FSCN1: variants seen among roughly 807,000 people sequenced by gnomAD.
FSCN1 encodes fascin actin-bundling protein 1.
FSCN1 carries 10 observed loss-of-function variants against 39.7 expected under a neutral mutation model. The ratio of observed to expected loss-of-function variants is 0.25; its 90% CI spans 0.16 to 0.43. The LOEUF is 0.43. Among genes scored for constraint, FSCN1 ranks in the 20% least tolerant of loss-of-function variants. The probability of loss-of-function intolerance (pLI) is 1.00; values close to 1 mark genes in which losing one functional copy is unlikely to be tolerated. For synonymous variants in FSCN1, 322 were observed against 320.0 expected, an observed-to-expected ratio of 1.01 and a Z score of -0.07; for missense variants, 525 against 723.8, an observed-to-expected ratio of 0.73 and a Z score of 3.15.
intron 1 of FSCN1, among the ~76,000 whole-genome samples, chr7:5,598,555 G>C (rs1785771214): frequency 6.6e-6 from 1 of 152,134 alleles, no homozygotes; most frequent in Admixed American, 6.5e-5. Flanking sequence ...AGGCGGGCTG[G>C]TAAGCGCCCT....
At chr7:5,597,796 C>T (rs1287985666) in intron 1 of FSCN1, among the ~76,000 whole-genome samples, 2 of 150,624 alleles carry the variant, frequency 1.3e-5, no homozygotes, top group African/African-American at 4.9e-5. Context: ...ACAGGGAAGG[C>T]CACTGTGAGG....
At chr7:5,604,967 C>A in intron 4 of FSCN1, among the ~76,000 whole-genome samples, 1 of 151,834 alleles carries the variant, frequency 6.6e-6, no homozygotes, top group African/African-American at 2.4e-5. Context: ...AGAGACGGAG[C>A]TTCACTATGT....
Position 5,603,487 on chromosome 7 carries a change from A to C in FSCN1, c.990-9A>C, listed in dbSNP as rs369111423. 7 of 1,613,852 alleles carry C rather than the reference A, an allele frequency of 4.3e-6. No individual in the cohort carries two copies. The highest frequency in any genetic ancestry group is 5.1e-6 in the Non-Finnish European group (6 of 1,179,966). On this transcript the variant is annotated splice_polypyrimidine_tract_variant and intron_variant, in intron 2 of 4. Transcript: ENST00000382361. The surrounding 1 kb of genome is among the most constrained non-coding windows in gnomAD (Gnocchi z 8.5). ...CTACCCCGCCTGACCCTGTCCCGCC[A>C]TCCCCCAGGAATGCCAGCTGCTACT... is the stretch of plus-strand genomic sequence containing the variant.
At chr7:5,604,993 G>C (rs933160579) in intron 4 of FSCN1, among the ~76,000 whole-genome samples, 1 of 152,010 alleles carries the variant, frequency 6.6e-6, no homozygotes, top group Non-Finnish European at 1.5e-5. Context: ...AGGCTGGCTC[G>C]AACTCCTGAC....
At chr7:5,602,660 A>G (rs1271950003) in intron 1 of FSCN1, among the ~76,000 whole-genome samples, 1 of 152,100 alleles carries the variant, frequency 6.6e-6, no homozygotes, top group Non-Finnish European at 1.5e-5. Flanking sequence ...GACCCTCCTG[A>G]TTGGCTCAAG....
In FSCN1 at chr7:5,603,242, G is replaced by A. The variant is rs377675950; in HGVS notation, c.833-15G>A. On this transcript the variant is annotated splice_polypyrimidine_tract_variant and intron_variant, in intron 1 of 4. Transcript: ENST00000382361. This position sits in a 1 kb window ranked among gnomAD's most constrained non-coding sequence, Gnocchi z 8.5. ...CGTGGGGCCCCAGTACCAGCCCAAG[G>A]CCTCCTCTCTGCAGGTATGGACCTG... The A allele has an allele frequency of 8.4e-5, 135 of 1,611,174 alleles. No homozygotes were observed. Among genetic ancestry groups the A allele is most frequent in the Non-Finnish European group, 1.1e-4 (130 of 1,179,836 alleles).
chr7:5,605,903 C>G lies in FSCN1; in HGVS notation c.*429C>G, dbSNP rs2128550547. The G allele has an allele frequency of 5.8e-6, 1 of 171,970 alleles. No homozygotes were observed. The highest frequency in any genetic ancestry group is 1.4e-4 in the South Asian group (1 of 7,002). 10.7% of individuals were successfully genotyped at this position (171,970 alleles called of 1,614,324 possible). A position where few individuals can be genotyped will look rare whatever the true frequency, so the allele number is the denominator to read the frequency against. ...ACCTCCTCCCAGCCCCCCAGGAGAGCTGGGCACATGTCCCAAGCCTGTCAG... is the reference window on the plus strand; with the variant it reads ...ACCTCCTCCCAGCCCCCCAGGAGAGGTGGGCACATGTCCCAAGCCTGTCAG... On this transcript the variant is annotated 3_prime_UTR_variant, in exon 5 of 5. Transcript: ENST00000382361. This position sits in a 1 kb window ranked among gnomAD's most constrained non-coding sequence, Gnocchi z 6.9.
At position 5,592,883 on chromosome 7, in the gene FSCN1, G is replaced by A. The variant is rs1370787922; in HGVS notation, c.-54G>A. The A allele has an allele frequency of 3.5e-6, 4 of 1,148,382 alleles. No individual in the cohort carries two copies. The highest frequency in any genetic ancestry group is 4.8e-6 in the Non-Finnish European group (4 of 829,034). The allele number at this position is 1,148,382 out of a possible 1,614,324, so 71.1% of individuals were successfully genotyped here. ...CAAAGGAGCAGGGGCGCCGCCGCAG[G>A]GACCCGCCACCCACCTCCCGGGGCC... On this transcript the variant is annotated 5_prime_UTR_variant, in exon 1 of 5. Transcript: ENST00000382361. The surrounding 1 kb of genome is among the most constrained non-coding windows in gnomAD (Gnocchi z 5.3).
At chr7:5,593,917 C>T (rs1785679951) in intron 1 of FSCN1, 149 bp downstream of exon 1, 1 of 608,498 alleles carries the variant, frequency 1.6e-6, no homozygotes, top group South Asian at 2.0e-5. Flanking sequence ...CGCGGGCTAC[C>T]CCGCCTGGAG....
intron 1 of FSCN1, among the ~76,000 whole-genome samples, chr7:5,602,561 G>A (rs1785854126): frequency 6.6e-6 from 1 of 151,902 alleles, no homozygotes; most frequent in Admixed American, 6.6e-5. Flanking sequence ...TTCCATCTGT[G>A]TTTCTAAAAA....
chr7:5,600,605 C>T (rs1189209661), intron 1 of FSCN1, among the ~76,000 whole-genome samples: 4 of 150,910 alleles, frequency 2.7e-5, no homozygotes, highest in East Asian at 2.0e-4. Flanking sequence ...AATTCTCCTG[C>T]GTCAGCCTCC....
At chr7:5,600,984 T>G (rs1785819335) in intron 1 of FSCN1, among the ~76,000 whole-genome samples, 1 of 126,828 alleles carries the variant, frequency 7.9e-6, no homozygotes, top group African/African-American at 3.2e-5. Context: ...AGAGATGAGG[T>G]TTCACCATGT....
In FSCN1 at chr7:5,603,329, C is replaced by A; in HGVS notation, c.905C>A (p.Thr302Asn). The stretch of plus-strand genomic sequence containing the variant: ...TTCCAGCTGGAGATCGACCGCGACA[C>A]CAAAAAGTGTGCCTTCCGTACCCAC... ...ETFQLEIDRD[T>N]KKCAFRTHTG... is the part of the protein sequence containing the mutation. Residue 302 changes from threonine (T) to asparagine (N), a missense_variant, in exon 2 of 5, where the codon ACC becomes AAC. Thr to Asn is a moderately conservative substitution (Grantham distance 65). Coordinates refer to ENST00000382361, the MANE Select transcript of FSCN1 (RefSeq NM_003088.4). This position sits in a 1 kb window ranked among gnomAD's most constrained non-coding sequence, Gnocchi z 8.5. 6.2e-7 allele frequency: 1 copy of A among 1,613,644 alleles called. No individual in the cohort carries two copies. Among genetic ancestry groups the A allele is most frequent in the Non-Finnish European group, 8.5e-7 (1 of 1,180,014 alleles).
At chr7:5,597,465 G>C (rs890484118) in intron 1 of FSCN1, among the ~76,000 whole-genome samples, 3 of 152,070 alleles carry the variant, frequency 2.0e-5, no homozygotes, top group Non-Finnish European at 4.4e-5. Flanking sequence ...TCGGGAGTTT[G>C]AGACCAGTCT....
Position 5,605,060 on chromosome 7 carries a change from A to T in FSCN1, c.1280-212A>T, listed in dbSNP as rs1467724037. 2.0e-5 allele frequency among the ~76,000 whole-genome samples: 3 copies of T among 152,216 alleles called. No individual in the cohort carries two copies. Among genetic ancestry groups the T allele is most frequent in the Admixed American group, 6.5e-5 (1 of 15,278 alleles). On this transcript the variant is annotated intron_variant, in intron 4 of 4. Transcript: ENST00000382361. This position sits in a 1 kb window ranked among gnomAD's most constrained non-coding sequence, Gnocchi z 6.9. ...AGTGCTGGGATTACAGGCGTGAGCC[A>T]CTGCGGCCGAGCAGAACACGTTCTA...
rs759701313 is a variant in FSCN1 at position 5,593,467 on chromosome 7, C to T, written c.531C>T (p.Ile177=). ...TGCCCTGGGGCGTCGACTCGCTCAT[C>T]ACCCTCGCCTTCCAGGACCAGCGCT... ...RDVPWGVDSL[I]TLAFQDQRYS... is the part of the protein sequence containing the mutation. The change falls in exon 1 of 5, where the codon ATC becomes ATT. Residue 177 remains isoleucine, a synonymous_variant. Transcript: ENST00000382361. The T allele has an allele frequency of 3.1e-6, 5 of 1,611,758 alleles. No individual in the cohort carries two copies. The highest frequency in any genetic ancestry group is 4.2e-6 in the Non-Finnish European group (5 of 1,179,704).
intron 1 of FSCN1, among the ~76,000 whole-genome samples, chr7:5,597,667 CA>C (rs1184622320): frequency 7.1e-6 from 1 of 140,082 alleles, no homozygotes; most frequent in African/African-American, 3.0e-5. Context: ...AACTCCATCT[CA>C]AAAAACAAAA....
chr7:5,600,384 A>G (rs1785803717), intron 1 of FSCN1, among the ~76,000 whole-genome samples: 1 of 152,008 alleles, frequency 6.6e-6, no homozygotes, highest in African/African-American at 2.4e-5. Context: ...ATTGCACTCC[A>G]GCCCGGGAGA....
At chr7:5,601,472 G>T (rs186281139) in intron 1 of FSCN1, among the ~76,000 whole-genome samples, 2,749 of 152,144 alleles carry the variant, frequency 0.018, 42 homozygotes, top group Non-Finnish European at 0.029. Context: ...CAAAGTGCTG[G>T]GATTACAGGC....
Sources: allele counts gnomAD v4.1 joint callset (sites outside exome capture counted in the v4.1 genomes callset), GRCh38; gene constraint gnomAD v4.1.1; non-coding constraint Gnocchi (gnomAD v3.1); transcripts MANE v1.5; gene names NCBI Gene and HGNC (gene_info 2026-07-23, HGNC 2026-07-21).